Variants in NFAT5 observed in about 807,000 individuals in gnomAD.
NFAT5 encodes nuclear factor of activated T-cells 5.
Under a neutral mutation model 166.5 loss-of-function variants are expected in NFAT5, and 31 were observed. That is an observed-to-expected ratio of 0.19 (90% CI 0.14 to 0.25). NFAT5 has a LOEUF of 0.25. Among genes scored for constraint, NFAT5 ranks in the 10% least tolerant of loss-of-function variants. NFAT5 has a pLI of 1.00. For missense variants in NFAT5, 1,449 were observed against 1,821.8 expected, an observed-to-expected ratio of 0.80 and a Z score of 3.72; for synonymous variants, 612 against 639.7, an observed-to-expected ratio of 0.96 and a Z score of 0.65.
intron 9 of NFAT5, 60 bp from the exon 10 acceptor site, chr16:69,677,143 T>TA: frequency 3.3e-6 from 5 of 1,502,432 alleles, no homozygotes; most frequent in Non-Finnish European, 4.5e-6. Flanking sequence ...ATACTTCATT[T>TA]AAAATTTTTA....
At chr16:69,626,282 A>G in intron 2 of NFAT5, 121 bp from the exon 3 acceptor site, 1 of 853,092 alleles carries the variant, frequency 1.2e-6, no homozygotes, top group Non-Finnish European at 1.7e-6. Flanking sequence ...ATTTTGTGGG[A>G]TTGTTTGTGA....
At chr16:69,681,917 GAAA>G (rs763455010) in intron 10 of NFAT5, among the ~76,000 whole-genome samples, 1 of 102,266 alleles carries the variant, frequency 9.8e-6, no homozygotes, top group Non-Finnish European at 2.1e-5. Context: ...GACTCCATCT[GAAA>G]AAAAAAAAAA....
At chr16:69,584,909 T>C (rs2031943086) in intron 2 of NFAT5, among the ~76,000 whole-genome samples, 1 of 152,142 alleles carries the variant, frequency 6.6e-6, no homozygotes, top group Non-Finnish European at 1.5e-5. Context: ...AATATGTATA[T>C]ATATACATGT....
intron 4 of NFAT5, among the ~76,000 whole-genome samples, chr16:69,650,136 A>AT (rs2035605778): frequency 6.6e-6 from 1 of 151,966 alleles, no homozygotes; most frequent in African/African-American, 2.4e-5. Flanking sequence ...AATGAAAATT[A>AT]TTTTTTTGAC....
chr16:69,603,068 A>C (rs2151543951), intron 2 of NFAT5, among the ~76,000 whole-genome samples: 1 of 152,316 alleles, frequency 6.6e-6, no homozygotes, highest in South Asian at 2.1e-4. Context: ...CATTTTTTAA[A>C]GAAACATATC....
intron 6 of NFAT5, among the ~76,000 whole-genome samples, chr16:69,656,310 C>T (rs1050632928): frequency 2.0e-5 from 3 of 151,424 alleles, no homozygotes; most frequent in Admixed American, 6.6e-5. Flanking sequence ...AAAGAATTCC[C>T]GTGGTAAAGG....
chr16:69,652,963 C>T (rs997818015), intron 4 of NFAT5, among the ~76,000 whole-genome samples: 1 of 150,678 alleles, frequency 6.6e-6, no homozygotes, highest in African/African-American at 2.5e-5. Context: ...AATCTTCCTC[C>T]CTTCCTCCTA....
At position 69,571,129 on chromosome 16, in the gene NFAT5, T is replaced by TTAAAA. The variant is rs757389246; in HGVS notation, c.127+2581_127+2582insTAAAA. Among the ~76,000 whole-genome samples the TTAAAA allele has an allele frequency of 9.6e-5, 3 of 31,380 alleles. No homozygotes were observed. The East Asian group carries it at 4.3e-3, about 45-fold the overall frequency. The allele number at this position is 31,380 out of a possible 152,430, so 20.6% of individuals were successfully genotyped here. A position where few individuals can be genotyped will look rare whatever the true frequency, so the allele number is the denominator to read the frequency against. On this transcript the variant is annotated intron_variant, in intron 2 of 14. Coordinates refer to ENST00000349945, the MANE Select transcript of NFAT5 (RefSeq NM_138713.4). ...TAACATGGTGAAACCCCATCTCTAC[T>TTAAAA]AAAAAAAAAAAAAAAAAAAAAAAAA... is the stretch of plus-strand genomic sequence containing the variant.
chr16:69,686,073 G>A (rs2037288517), intron 11 of NFAT5: 1 of 152,272 alleles, frequency 6.6e-6, no homozygotes, highest in Non-Finnish European at 1.5e-5. Context: ...AATAGGCCAG[G>A]CGCGGTGGCT....
intron 2 of NFAT5, among the ~76,000 whole-genome samples, chr16:69,587,094 T>C (rs945159501): frequency 6.6e-6 from 1 of 152,318 alleles, no homozygotes; most frequent in Middle Eastern, 3.4e-3. Context: ...TTTTTTTCTT[T>C]TTTTTTGAGA....
Position 69,692,229 on chromosome 16 carries a change from A to G in NFAT5, c.2404A>G (p.Thr802Ala). The G allele has an allele frequency of 1.2e-6, 2 of 1,614,210 alleles. No individual in the cohort carries two copies. Among genetic ancestry groups the G allele is most frequent in the Non-Finnish European group, 1.7e-6 (2 of 1,180,046 alleles). The change falls in exon 13 of 15, where the codon ACA (threonine) becomes GCA (alanine). Residue 802 changes from threonine to alanine, a missense_variant. Coordinates refer to ENST00000349945, the MANE Select transcript of NFAT5 (RefSeq NM_138713.4). The stretch of plus-strand genomic sequence containing the variant: ...TCAGCAGCTGCAAGCAGGGAGTTTC[A>G]CAGGCAGTACTGCTAGTGGCAGCAG... ...TIQQLQAGSF[T>A]GSTASGSSGS...
chr16:69,663,543 T>C (rs1466550564), intron 7 of NFAT5, among the ~76,000 whole-genome samples: 2 of 135,898 alleles, frequency 1.5e-5, no homozygotes, highest in Non-Finnish European at 3.1e-5. Flanking sequence ...GAATCCAGCC[T>C]GGGATTCAAA....
intron 3 of NFAT5, among the ~76,000 whole-genome samples, chr16:69,634,352 G>A (rs2034860098): frequency 6.6e-6 from 1 of 151,022 alleles, no homozygotes; most frequent in Non-Finnish European, 1.5e-5. Flanking sequence ...AGCTACATGA[G>A]TGTTTTAAAT....
chr16:69,612,252 C>G (rs1050851423), intron 2 of NFAT5, among the ~76,000 whole-genome samples: 27 of 152,108 alleles, frequency 1.8e-4, no homozygotes, highest in Admixed American at 1.8e-3. Flanking sequence ...GAAGACATGA[C>G]ATAGTTTTGG....
rs1019823917 is a variant in NFAT5, at chr16:69,649,861, A to G, written c.812+2275A>G. Among the ~76,000 whole-genome samples the G allele has an allele frequency of 1.1e-4, 16 of 152,090 alleles. 2 individuals are homozygous for G. Among genetic ancestry groups the G allele is most frequent in the East Asian group, 3.9e-4 (2 of 5,190 alleles). On this transcript the variant is annotated intron_variant, in intron 4 of 14. Coordinates refer to ENST00000349945, the MANE Select transcript of NFAT5 (RefSeq NM_138713.4). ...AAATGTACTTTAAAATGTATACAGCAGTTTATTGATCTTCAAGATACCACA... is the reference window on the plus strand; with the variant it reads ...AAATGTACTTTAAAATGTATACAGCGGTTTATTGATCTTCAAGATACCACA...
rs181927494 is a variant in NFAT5 at position 69,604,200 on chromosome 16, A to G, written c.128-22203A>G. On this transcript the variant is annotated intron_variant, in intron 2 of 14. Coordinates refer to ENST00000349945, the MANE Select transcript of NFAT5 (RefSeq NM_138713.4). ...ATGGAGGCAATTTGGTACCAGGACA[A>G]CGTGCACACACACACTCCGTACTTC... 1.8e-3 allele frequency among the ~76,000 whole-genome samples: 269 copies of G among 152,308 alleles called. 3 individuals are homozygous for G. The highest frequency in any genetic ancestry group is 7.0e-3 in the South Asian group (34 of 4,828).
At chr16:69,674,241 C>CAAAA (rs59975972) in intron 9 of NFAT5, among the ~76,000 whole-genome samples, 59 of 71,312 alleles carry the variant, frequency 8.3e-4, no homozygotes, top group African/African-American at 1.8e-3. Context: ...GAAACTGTCT[C>CAAAA]AAAAAAAAAA....
At position 69,692,283 on chromosome 16, in the gene NFAT5, T is replaced by C; in HGVS notation, c.2458T>C (p.Leu820=). Residue 820 remains leucine (L), a synonymous_variant, in exon 13 of 15, where the codon TTA becomes CTA. Transcript: ENST00000349945. Reference sequence around the variant, plus strand: ...AAGTGTTGACTTGGTCCAACAAGTTTTAGAGGCACAGCAGCAGTTATCTTC... The same window carrying C: ...AAGTGTTGACTTGGTCCAACAAGTTCTAGAGGCACAGCAGCAGTTATCTTC... ...SGSVDLVQQV[L]EAQQQLSSVL... 8 of 1,614,168 alleles carry C rather than the reference T, an allele frequency of 5.0e-6. No homozygotes were observed. Among genetic ancestry groups the C allele is most frequent in the Non-Finnish European group, 6.8e-6 (8 of 1,180,032 alleles).
intron 10 of NFAT5, 82 bp from the exon 11 acceptor site, chr16:69,684,805 G>C: frequency 1.2e-6 from 1 of 845,938 alleles, no homozygotes; most frequent in East Asian, 2.8e-5. Flanking sequence ...TTTGTGACAA[G>C]ATATTCTAAT....
Sources: allele counts gnomAD v4.1 joint callset (sites outside exome capture counted in the v4.1 genomes callset), GRCh38; gene constraint gnomAD v4.1.1; transcripts MANE v1.5; gene names NCBI Gene and HGNC (gene_info 2026-07-23, HGNC 2026-07-21).